SPMAP2L: variants seen among roughly 807,000 people sequenced by gnomAD.
SPMAP2L encodes sperm microtubule associated protein 2-like.
chr4:56,556,978 G>A, the SPMAP2L span, among the ~76,000 whole-genome samples: 1 of 152,224 alleles, frequency 6.6e-6, no homozygotes, highest in Middle Eastern at 3.4e-3. Flanking sequence ...GCCGGGTGTG[G>A]TGGCTCACGC....
chr4:56,575,526 T>C, the SPMAP2L span: 1 of 1,535,270 alleles, frequency 6.5e-7, no homozygotes, highest in Non-Finnish European at 8.7e-7. Context: ...ACCACAGCTG[T>C]GGAAGAGAGT....
the SPMAP2L span, among the ~76,000 whole-genome samples, chr4:56,606,764 T>C: frequency 2.0e-5 from 3 of 152,126 alleles, no homozygotes; most frequent in African/African-American, 2.4e-5. Flanking sequence ...TTAGTCTTCA[T>C]CCTAAAACCA....
At chr4:56,565,697 A>G in the SPMAP2L span, among the ~76,000 whole-genome samples, 1 of 152,244 alleles carries the variant, frequency 6.6e-6, no homozygotes, top group Non-Finnish European at 1.5e-5. Flanking sequence ...GTAGATTTGA[A>G]ACATAAATGA....
the SPMAP2L span, among the ~76,000 whole-genome samples, chr4:56,578,062 G>C: frequency 3.3e-5 from 5 of 152,166 alleles, no homozygotes; most frequent in African/African-American, 1.2e-4. Flanking sequence ...ATAGAATGTA[G>C]CACATTTTAT....
the SPMAP2L span, among the ~76,000 whole-genome samples, chr4:56,612,311 A>G: frequency 1.7e-3 from 256 of 152,300 alleles, no homozygotes; most frequent in African/African-American, 6.0e-3. Context: ...TGGACATGTT[A>G]ATATATACTA....
At chr4:56,602,951 A>G in the SPMAP2L span, among the ~76,000 whole-genome samples, 1 of 152,216 alleles carries the variant, frequency 6.6e-6, no homozygotes, top group Non-Finnish European at 1.5e-5. Context: ...TTCAAGACTA[A>G]GCAACTTCCT....
chr4:56,574,252 C>T, the SPMAP2L span, among the ~76,000 whole-genome samples: 1 of 152,008 alleles, frequency 6.6e-6, no homozygotes, highest in African/African-American at 2.4e-5. Flanking sequence ...AGCCCCCATC[C>T]GTACAAATAT....
the SPMAP2L span, among the ~76,000 whole-genome samples, chr4:56,588,226 G>A: frequency 4.6e-5 from 7 of 152,290 alleles, no homozygotes; most frequent in African/African-American, 1.7e-4. Context: ...TCCTTTGTCA[G>A]ATGTATGGAT....
the SPMAP2L span, among the ~76,000 whole-genome samples, chr4:56,543,948 G>C: frequency 1.5e-5 from 2 of 132,746 alleles, no homozygotes; most frequent in East Asian, 4.4e-4. Flanking sequence ...GAGAGAGAGA[G>C]AGTGTGTGTG....
chr4:56,569,093 A>G, the SPMAP2L span, among the ~76,000 whole-genome samples: 1 of 152,234 alleles, frequency 6.6e-6, no homozygotes, highest in Non-Finnish European at 1.5e-5. Flanking sequence ...ACATTTTGGC[A>G]AAAGTAATGC....
the SPMAP2L span, among the ~76,000 whole-genome samples, chr4:56,587,707 C>A: frequency 6.6e-6 from 1 of 152,160 alleles, no homozygotes; most frequent in Non-Finnish European, 1.5e-5. Flanking sequence ...GTTTCTTTAT[C>A]CACTTGTTGA....
the SPMAP2L span, chr4:56,603,258 C>A: frequency 6.5e-7 from 1 of 1,535,006 alleles, no homozygotes; most frequent in Non-Finnish European, 8.7e-7. Context: ...TAAAACCAAG[C>A]CAGCTGCTTT....
chr4:56,563,017 T>C, the SPMAP2L span, among the ~76,000 whole-genome samples: 1 of 151,416 alleles, frequency 6.6e-6, no homozygotes, highest in Admixed American at 6.6e-5. Flanking sequence ...GAAACTTTCA[T>C]GAATTTTTAA....
the SPMAP2L span, among the ~76,000 whole-genome samples, chr4:56,581,629 AAAG>A: frequency 6.6e-6 from 1 of 152,164 alleles, no homozygotes; most frequent in Non-Finnish European, 1.5e-5. Flanking sequence ...AAAAAAAAAA[AAAG>A]AATAATTCCA....
chr4:56,581,687 A>G, the SPMAP2L span, among the ~76,000 whole-genome samples: 1 of 152,148 alleles, frequency 6.6e-6, no homozygotes, highest in Admixed American at 6.5e-5. Flanking sequence ...CCTAAAGTTC[A>G]TATAGAAATG....
At chr4:56,565,206 G>A in the SPMAP2L span, among the ~76,000 whole-genome samples, 1 of 152,140 alleles carries the variant, frequency 6.6e-6, no homozygotes, top group Non-Finnish European at 1.5e-5. Context: ...CAAGTTTTCT[G>A]TACATCCTTA....
chr4:56,624,018 G>T, the SPMAP2L span, among the ~76,000 whole-genome samples: 2 of 152,102 alleles, frequency 1.3e-5, no homozygotes, highest in African/African-American at 2.4e-5. Context: ...GGAAAGTTTG[G>T]ACTTCCTAGA....
At chr4:56,593,648 G>C in the SPMAP2L span, 1 of 1,605,554 alleles carries the variant, frequency 6.2e-7, no homozygotes, top group Non-Finnish European at 8.5e-7. Flanking sequence ...GGGACCCCAC[G>C]CAGCATTTTT....
At chr4:56,607,954 C>T in the SPMAP2L span, among the ~76,000 whole-genome samples, 1 of 144,088 alleles carries the variant, frequency 6.9e-6, no homozygotes, top group African/African-American at 2.6e-5. Context: ...GATTGTGCCA[C>T]TGCATTCTAA....
Sources: allele counts gnomAD v4.1 joint callset (sites outside exome capture counted in the v4.1 genomes callset), GRCh38; gene constraint gnomAD v4.1.1; transcripts MANE v1.5; gene names NCBI Gene and HGNC (gene_info 2026-07-23, HGNC 2026-07-21).